Variants in GHR observed in about 807,000 individuals in gnomAD.
GHR encodes the protein growth hormone receptor.
Under a neutral mutation model 67.1 loss-of-function variants are expected in GHR, and 35 were observed. The ratio of observed to expected loss-of-function variants is 0.52; its 90% CI spans 0.40 to 0.69. GHR has a LOEUF of 0.69. Among genes scored for constraint, GHR ranks in the 30% least tolerant of loss-of-function variants. The pLI, the probability that GHR is intolerant of heterozygous loss-of-function variation, is 0.00. For synonymous variants in GHR, 272 were observed against 269.1 expected (o/e 1.01, Z -0.10); for missense variants, 792 against 764.6 (o/e 1.04, Z -0.42).
rs1554021883 is a variant in GHR, at chr5:42,579,151, T to TGATAGATAG, written c.70+13207_70+13208insGATAGATAG. Reference sequence around the variant, plus strand: ...GATAGATAGATAGATGATAGATAGATATAGATAGATAGATAGATAGATAGA... The same window carrying TGATAGATAG: ...GATAGATAGATAGATGATAGATAGATGATAGATAGATAGATAGATAGATAGATAGATAGA... On this transcript the variant is annotated intron_variant, in intron 2 of 9. Transcript: ENST00000230882. 2.9e-4 allele frequency among the ~76,000 whole-genome samples: 26 copies of TGATAGATAG among 88,244 alleles called. 1 individual carries two copies. Among genetic ancestry groups the TGATAGATAG allele is most frequent in the Non-Finnish European group, 5.8e-4 (24 of 41,562 alleles). The allele number at this position is 88,244 out of a possible 152,430, so 57.9% of individuals were successfully genotyped here.
chr5:42,575,815 C>T (rs1275479357), intron 2 of GHR, among the ~76,000 whole-genome samples: 1 of 150,994 alleles, frequency 6.6e-6, no homozygotes, highest in African/African-American at 2.4e-5. Context: ...GCGGGTGGAT[C>T]GAGAGGTCAA....
chr5:42,573,178 T>C (rs1750430816), intron 2 of GHR, among the ~76,000 whole-genome samples: 1 of 152,222 alleles, frequency 6.6e-6, no homozygotes, highest in Admixed American at 6.5e-5. Flanking sequence ...AGCTAAATCC[T>C]GACCTTTGAT....
chr5:42,558,566 T>G (rs568285129), intron 1 of GHR, among the ~76,000 whole-genome samples: 42 of 152,352 alleles, frequency 2.8e-4, no homozygotes, highest in African/African-American at 1.0e-3. Flanking sequence ...TTTTATGACA[T>G]CTTTTCTATG....
intron 1 of GHR, among the ~76,000 whole-genome samples, chr5:42,510,467 A>G (rs1462691595): frequency 2.0e-5 from 3 of 152,200 alleles, no homozygotes; most frequent in African/African-American, 4.8e-5. Flanking sequence ...TGTTTCTGCT[A>G]TAACGCTATT....
At chr5:42,676,693 C>T (rs1254066926) in intron 3 of GHR, among the ~76,000 whole-genome samples, 2 of 152,142 alleles carry the variant, frequency 1.3e-5, no homozygotes, top group African/African-American at 4.8e-5. Flanking sequence ...AAAGAAATTA[C>T]AGATCTCTTT....
intron 1 of GHR, among the ~76,000 whole-genome samples, chr5:42,526,510 C>A (rs1312602200): frequency 6.6e-6 from 1 of 152,158 alleles, no homozygotes; most frequent in Non-Finnish European, 1.5e-5. Flanking sequence ...AACAGATTTT[C>A]AGTATAGATA....
At chr5:42,455,148 A>G (rs1001909230) in intron 1 of GHR, among the ~76,000 whole-genome samples, 6 of 152,042 alleles carry the variant, frequency 3.9e-5, no homozygotes, top group Non-Finnish European at 8.8e-5. Context: ...TCCTTCTCTC[A>G]TGATCTGGAT....
At chr5:42,656,815 C>G (rs892671097) in intron 3 of GHR, among the ~76,000 whole-genome samples, 1 of 152,116 alleles carries the variant, frequency 6.6e-6, no homozygotes, top group Non-Finnish European at 1.5e-5. Flanking sequence ...ATTTTGTTTT[C>G]CATTTCCTGA....
At chr5:42,589,299 C>A (rs1751655321) in intron 2 of GHR, among the ~76,000 whole-genome samples, 1 of 152,190 alleles carries the variant, frequency 6.6e-6, no homozygotes, top group African/African-American at 2.4e-5. Flanking sequence ...CATAGCTAAT[C>A]TGATACTGAA....
At chr5:42,478,185 G>C (rs1561328999) in intron 1 of GHR, among the ~76,000 whole-genome samples, 1 of 152,196 alleles carries the variant, frequency 6.6e-6, no homozygotes, top group Non-Finnish European at 1.5e-5. Flanking sequence ...TCAAAGATCA[G>C]ATAGTTGTAG....
chr5:42,544,563 C>T (rs1007648179), intron 1 of GHR, among the ~76,000 whole-genome samples: 12 of 152,038 alleles, frequency 7.9e-5, no homozygotes, highest in Admixed American at 5.2e-4. Context: ...AACCAAATTT[C>T]CCCCCACCTC....
At chr5:42,477,592 G>T (rs1021370429) in intron 1 of GHR, among the ~76,000 whole-genome samples, 1 of 152,144 alleles carries the variant, frequency 6.6e-6, no homozygotes, top group African/African-American at 2.4e-5. Flanking sequence ...GTGTGAGATG[G>T]TATCTCATAG....
At chr5:42,697,505 G>T (rs1423266273) in intron 5 of GHR, among the ~76,000 whole-genome samples, 1 of 151,930 alleles carries the variant, frequency 6.6e-6, no homozygotes, top group Non-Finnish European at 1.5e-5. Context: ...AAGGATTGGA[G>T]AGGATAATTA....
At chr5:42,545,693 G>A (rs1423859165) in intron 1 of GHR, among the ~76,000 whole-genome samples, 4 of 152,186 alleles carry the variant, frequency 2.6e-5, no homozygotes, top group Admixed American at 6.5e-5. Flanking sequence ...CCATCTCAGA[G>A]TACATTGCTC....
chr5:42,661,893 C>G (rs1028161269), intron 3 of GHR, among the ~76,000 whole-genome samples: 3 of 151,964 alleles, frequency 2.0e-5, no homozygotes, highest in Non-Finnish European at 2.9e-5. Context: ...AGGCTCAAAA[C>G]AAAAGGATGG....
intron 1 of GHR, among the ~76,000 whole-genome samples, chr5:42,482,268 G>A (rs147264361): frequency 0.024 from 3,662 of 151,684 alleles, 80 homozygotes; most frequent in Middle Eastern, 0.068. Context: ...GTACCCAGCC[G>A]TGTGAGGTGT....
At chr5:42,454,542 T>C (rs1202399887) in intron 1 of GHR, among the ~76,000 whole-genome samples, 1 of 152,088 alleles carries the variant, frequency 6.6e-6, no homozygotes, top group Non-Finnish European at 1.5e-5. Context: ...CCACAGCCAC[T>C]ATGTAGGATG....
intron 1 of GHR, among the ~76,000 whole-genome samples, chr5:42,533,668 A>G (rs1286177548): frequency 6.6e-6 from 1 of 151,772 alleles, no homozygotes; most frequent in Non-Finnish European, 1.5e-5. Context: ...GAATGCTTTT[A>G]TTATATTATA....
At chr5:42,641,773 G>T (rs1019618716) in intron 3 of GHR, among the ~76,000 whole-genome samples, 7 of 152,174 alleles carry the variant, frequency 4.6e-5, no homozygotes, top group Non-Finnish European at 1.0e-4. Context: ...TAATCCATGA[G>T]TAAATAAGCT....
Sources: allele counts gnomAD v4.1 joint callset (sites outside exome capture counted in the v4.1 genomes callset), GRCh38; gene constraint gnomAD v4.1.1; transcripts MANE v1.5; gene names NCBI Gene and HGNC (gene_info 2026-07-23, HGNC 2026-07-21).